DACH1: variants seen among roughly 807,000 people sequenced by gnomAD.
The protein encoded by DACH1 is dachshund family transcription factor 1.
A neutral mutation model predicts 54.2 loss-of-function variants in DACH1; 12 were observed. That is an observed-to-expected ratio of 0.22 (90% CI 0.14 to 0.36). The LOEUF (loss-of-function observed/expected upper bound fraction) is 0.36. DACH1 is among the 10% of genes least tolerant of loss of function. The pLI is 1.00. For missense variants in DACH1, 805 were observed against 929.8 expected (o/e 0.87, Z 1.75); for synonymous variants, 386 against 366.2 (o/e 1.05, Z -0.62).
chr13:71,555,700 A>C (rs1884201321), intron 6 of DACH1, among the ~76,000 whole-genome samples: 1 of 152,138 alleles, frequency 6.6e-6, no homozygotes, highest in Admixed American at 6.6e-5. Context: ...TATCAAAAGT[A>C]TAGGTCAAAA....
chr13:71,478,973 G>A (rs1877805220), intron 8 of DACH1, among the ~76,000 whole-genome samples, 196 bp downstream of exon 8: 1 of 152,062 alleles, frequency 6.6e-6, no homozygotes, highest in Non-Finnish European at 1.5e-5. Flanking sequence ...TCAATTTCCT[G>A]AGGTAGGAAC....
chr13:71,457,684 T>TTTTC (rs1320239455), intron 10 of DACH1, among the ~76,000 whole-genome samples: 5 of 152,018 alleles, frequency 3.3e-5, no homozygotes, highest in African/African-American at 1.2e-4. Context: ...TATTACTGTC[T>TTTTC]TTTCTTTGTG....
chr13:71,540,745 AT>A (rs1883076850), intron 6 of DACH1, among the ~76,000 whole-genome samples: 1 of 151,988 alleles, frequency 6.6e-6, no homozygotes, highest in African/African-American at 2.4e-5. Flanking sequence ...TTTTATCTTA[AT>A]TTATGTAACT....
intron 1 of DACH1, among the ~76,000 whole-genome samples, chr13:71,792,333 G>A (rs1886865160): frequency 8.8e-6 from 1 of 113,400 alleles, no homozygotes; most frequent in South Asian, 3.4e-4. Flanking sequence ...TAAAATAAGT[G>A]TTTTGTACAC....
chr13:71,747,568 G>A (rs1334523040), intron 1 of DACH1, among the ~76,000 whole-genome samples: 2 of 152,100 alleles, frequency 1.3e-5, no homozygotes, highest in African/African-American at 4.8e-5. Context: ...GTGACAGAGT[G>A]AGACTCCATC....
intron 1 of DACH1, among the ~76,000 whole-genome samples, chr13:71,782,843 G>A (rs1886440937): frequency 1.3e-5 from 2 of 152,054 alleles, no homozygotes; most frequent in Admixed American, 1.3e-4. Flanking sequence ...ATAAACCAAC[G>A]AGAGGGCAGG....
intron 1 of DACH1, among the ~76,000 whole-genome samples, chr13:71,811,115 T>TTA (rs1349213566): frequency 6.6e-6 from 1 of 152,146 alleles, no homozygotes; most frequent in Non-Finnish European, 1.5e-5. Flanking sequence ...AGATATCTGA[T>TTA]TATATTTGGC....
intron 1 of DACH1, among the ~76,000 whole-genome samples, chr13:71,862,376 GC>G (rs1168180781): frequency 2.0e-5 from 3 of 151,950 alleles, no homozygotes; most frequent in Non-Finnish European, 4.4e-5. Flanking sequence ...TTAATGGTAA[GC>G]AGTTAATTAA....
intron 7 of DACH1, among the ~76,000 whole-genome samples, chr13:71,485,172 T>C (rs1403250461): frequency 6.6e-6 from 1 of 151,832 alleles, no homozygotes; most frequent in Middle Eastern, 3.2e-3. Context: ...AATTTTAGTC[T>C]CCTTACATAA....
chr13:71,837,918 A>G (rs1888860887), intron 1 of DACH1, among the ~76,000 whole-genome samples: 1 of 143,510 alleles, frequency 7.0e-6, no homozygotes, highest in Admixed American at 7.2e-5. Flanking sequence ...AAAACCAAAC[A>G]CCGCATATTC....
chr13:71,614,005 G>GTTTT (rs1312650971), intron 3 of DACH1, among the ~76,000 whole-genome samples: 1 of 152,112 alleles, frequency 6.6e-6, no homozygotes, highest in Admixed American at 6.6e-5. Flanking sequence ...TTGTTTGTTT[G>GTTTT]TTCGTTTGTT....
chr13:71,535,535 T>G (rs960771561), intron 6 of DACH1, among the ~76,000 whole-genome samples: 4 of 151,966 alleles, frequency 2.6e-5, no homozygotes, highest in Non-Finnish European at 5.9e-5. Context: ...TTAACAAATA[T>G]GGTAAATTCC....
In DACH1 at chr13:71,486,591, ATG is replaced by A. The variant is rs1343245732; in HGVS notation, c.1722+2404_1722+2405del. On this transcript the variant is annotated intron_variant, in intron 7 of 10. Coordinates refer to ENST00000613252, the MANE Select transcript of DACH1 (RefSeq NM_080759.6). ...TAAATATGTGTGTGTTTGTATATGT[ATG>A]TGTGTGTATATATATATTTATAATA... Among the ~76,000 whole-genome samples, 3 of 152,236 alleles carry A rather than the reference ATG, an allele frequency of 2.0e-5. No homozygotes were observed. In the East Asian group the frequency reaches 5.8e-4, roughly 29 times the overall value.
chr13:71,834,884 C>T (rs544482544), intron 1 of DACH1, among the ~76,000 whole-genome samples: 18 of 152,184 alleles, frequency 1.2e-4, no homozygotes, highest in African/African-American at 3.6e-4. Flanking sequence ...CTGAAAATCC[C>T]AGGCATTGCA....
At chr13:71,856,175 A>G (rs1873987265) in intron 1 of DACH1, among the ~76,000 whole-genome samples, 1 of 151,948 alleles carries the variant, frequency 6.6e-6, no homozygotes, top group Non-Finnish European at 1.5e-5. Context: ...GAAGGCTCCA[A>G]TATTAAGGTT....
intron 1 of DACH1, among the ~76,000 whole-genome samples, chr13:71,719,212 T>C (rs1188453222): frequency 6.6e-6 from 1 of 152,210 alleles, no homozygotes; most frequent in African/African-American, 2.4e-5. Context: ...CCTTCTTCTG[T>C]ATGAATGCAA....
intron 2 of DACH1, among the ~76,000 whole-genome samples, chr13:71,644,936 G>C (rs77198203): frequency 2.0e-5 from 3 of 152,058 alleles, no homozygotes; most frequent in Non-Finnish European, 4.4e-5. Flanking sequence ...GAATAGTAAA[G>C]GAGACTTCTG....
At chr13:71,589,983 A>C (rs1477238735) in intron 3 of DACH1, among the ~76,000 whole-genome samples, 2 of 152,058 alleles carry the variant, frequency 1.3e-5, no homozygotes, top group Admixed American at 1.3e-4. Flanking sequence ...CGGGGCTGTA[A>C]ATATAGTCAG....
intron 1 of DACH1, among the ~76,000 whole-genome samples, chr13:71,797,320 T>C (rs371267928): frequency 4.6e-5 from 7 of 152,102 alleles, no homozygotes; most frequent in African/African-American, 1.2e-4. Flanking sequence ...GTACATTCCA[T>C]GTGATGTGAT....
Sources: allele counts gnomAD v4.1 joint callset (sites outside exome capture counted in the v4.1 genomes callset), GRCh38; gene constraint gnomAD v4.1.1; transcripts MANE v1.5; gene names NCBI Gene and HGNC (gene_info 2026-07-23, HGNC 2026-07-21).